Variants in KLF12 observed in about 807,000 individuals in gnomAD.
KLF12 encodes KLF transcription factor 12.
In KLF12, 9 loss-of-function variants were observed where a neutral mutation model predicts 37.8. That is an observed-to-expected ratio of 0.24 (90% CI 0.14 to 0.42). KLF12 has a LOEUF of 0.42. KLF12 is among the 10% of genes least tolerant of loss of function. KLF12 has a pLI of 1.00. For missense variants in KLF12, 411 were observed against 516.0 expected, an observed-to-expected ratio of 0.80 and a Z score of 1.97; for synonymous variants, 208 against 202.1, an observed-to-expected ratio of 1.03 and a Z score of -0.25.
intron 2 of KLF12, among the ~76,000 whole-genome samples, chr13:73,979,354 A>AACACACACACACACACACAC (rs71115629): frequency 1.5e-4 from 21 of 139,706 alleles, no homozygotes; most frequent in African/African-American, 5.1e-4. Context: ...TCTGCTTTTA[A>AACACACACACACACACACAC]ACACACACAC....
chr13:73,794,506 T>C (rs1029411155), intron 5 of KLF12, among the ~76,000 whole-genome samples: 11 of 152,196 alleles, frequency 7.2e-5, no homozygotes, highest in African/African-American at 2.7e-4. Flanking sequence ...TAATTATACA[T>C]ACCTGTGGGT....
intron 1 of KLF12, among the ~76,000 whole-genome samples, chr13:74,053,342 A>G (rs947607165): frequency 3.3e-5 from 5 of 152,170 alleles, no homozygotes; most frequent in African/African-American, 1.2e-4. Flanking sequence ...TATAAAAATC[A>G]TGCTAACAAG....
At chr13:74,290,810 T>G in the KLF12 span, among the ~76,000 whole-genome samples, 2 of 152,250 alleles carry the variant, frequency 1.3e-5, no homozygotes, top group African/African-American at 4.8e-5. Context: ...TATAAAAACC[T>G]TTATAATTTA....
intron 5 of KLF12, among the ~76,000 whole-genome samples, chr13:73,776,251 G>A (rs1460791780): frequency 6.6e-6 from 1 of 152,178 alleles, no homozygotes; most frequent in East Asian, 1.9e-4. Context: ...ATTCAGTACT[G>A]AATCACAGAG....
intron 1 of KLF12, among the ~76,000 whole-genome samples, chr13:74,080,804 A>G (rs1874837619): frequency 6.6e-6 from 1 of 152,250 alleles, no homozygotes. Context: ...AGCAATGGAA[A>G]TTGATCAGTT....
chr13:73,915,794 A>G (rs1009781339), intron 3 of KLF12, among the ~76,000 whole-genome samples: 14 of 149,690 alleles, frequency 9.4e-5, no homozygotes, highest in Non-Finnish European at 1.5e-4. Context: ...GGCCTCCTAA[A>G]GTGCTGGGAT....
intron 3 of KLF12, among the ~76,000 whole-genome samples, chr13:73,867,619 TAACAA>T (rs1886243988): frequency 6.6e-6 from 1 of 151,720 alleles, no homozygotes; most frequent in Non-Finnish European, 1.5e-5. Flanking sequence ...AAAAAAAAAT[TAACAA>T]ACTTATCTTA....
At chr13:73,861,562 G>A (rs2138806229) in intron 3 of KLF12, among the ~76,000 whole-genome samples, 1 of 152,336 alleles carries the variant, frequency 6.6e-6, no homozygotes, top group African/African-American at 2.4e-5. Context: ...GCAGTGACAA[G>A]ACAGTTCCCA....
chr13:74,274,484 G>A, the KLF12 span, among the ~76,000 whole-genome samples: 2 of 152,036 alleles, frequency 1.3e-5, no homozygotes, highest in Non-Finnish European at 1.5e-5. Flanking sequence ...GAAATTCCTG[G>A]GTCAAAAGGT....
At chr13:74,060,691 G>A (rs1483544997) in intron 1 of KLF12, among the ~76,000 whole-genome samples, 1 of 152,004 alleles carries the variant, frequency 6.6e-6, no homozygotes, top group Non-Finnish European at 1.5e-5. Context: ...GGTTTTCTAG[G>A]TATAAGATCA....
the KLF12 span, among the ~76,000 whole-genome samples, chr13:74,143,994 T>C: frequency 1.4e-4 from 21 of 152,348 alleles, no homozygotes; most frequent in Admixed American, 1.2e-3. Flanking sequence ...GAGAAGTATC[T>C]GTATACTACA....
chr13:73,875,596 T>C (rs971959702), intron 3 of KLF12, among the ~76,000 whole-genome samples: 8 of 152,278 alleles, frequency 5.3e-5, no homozygotes, highest in Middle Eastern at 3.4e-3. Context: ...GGAATCTATA[T>C]ATGTTTATTC....
In KLF12 at chr13:73,803,772, TCACACACACACACACA is replaced by T. The variant is rs4053528; in HGVS notation, c.806+9364_806+9379del. Among the ~76,000 whole-genome samples the T allele has an allele frequency of 6.4e-3, 904 of 142,048 alleles. 9 individuals carry two copies. The highest frequency in any genetic ancestry group is 0.058 in the East Asian group (264 of 4,528). 93.2% of individuals were successfully genotyped at this position (142,048 alleles called of 152,430 possible). A position where few individuals can be genotyped will look rare whatever the true frequency, so the allele number is the denominator to read the frequency against. ...CTGAGCAGCACAACATACTGCAGAG[TCACACACACACACACA>T]CACACACACACACACACACACACAC... is the stretch of plus-strand genomic sequence containing the variant. On this transcript the variant is annotated intron_variant, in intron 5 of 7. Transcript: ENST00000377669.
chr13:73,954,508 G>A (rs1028394506), intron 2 of KLF12, among the ~76,000 whole-genome samples: 6 of 152,148 alleles, frequency 3.9e-5, no homozygotes, highest in Admixed American at 1.3e-4. Context: ...AAAGCATGAC[G>A]TAGTGTTTGC....
chr13:74,208,484 C>T, the KLF12 span, among the ~76,000 whole-genome samples: 1 of 152,014 alleles, frequency 6.6e-6, no homozygotes, highest in Non-Finnish European at 1.5e-5. Flanking sequence ...ATTTTGCTGG[C>T]ATTAATATTT....
the KLF12 span, among the ~76,000 whole-genome samples, chr13:74,299,819 G>A: frequency 6.6e-6 from 1 of 152,090 alleles, no homozygotes; most frequent in Non-Finnish European, 1.5e-5. Context: ...TGGGCCAATG[G>A]AGGGCCCAAG....
chr13:74,034,581 C>G (rs150936459), intron 1 of KLF12, among the ~76,000 whole-genome samples: 1 of 152,224 alleles, frequency 6.6e-6, no homozygotes, highest in South Asian at 2.1e-4. Context: ...TTCCAACTTA[C>G]AATTTCTAGA....
chr13:73,784,024 GT>G (rs1443605261), intron 5 of KLF12, among the ~76,000 whole-genome samples: 1 of 152,060 alleles, frequency 6.6e-6, no homozygotes, highest in African/African-American at 2.4e-5. Flanking sequence ...CACAAATTGT[GT>G]TTATTTCTGA....
chr13:73,919,223 A>T (rs1889000207), intron 3 of KLF12, among the ~76,000 whole-genome samples: 1 of 152,184 alleles, frequency 6.6e-6, no homozygotes, highest in Admixed American at 6.6e-5. Flanking sequence ...CTAACAAGGG[A>T]GCTCCTAAAG....
Sources: gnomAD v4.1 joint callset for allele counts (sites outside exome capture counted in the v4.1 genomes callset) on GRCh38, gnomAD v4.1.1 for gene constraint, MANE v1.5 for transcripts, NCBI Gene and HGNC (gene_info 2026-07-23, HGNC 2026-07-21) for gene names.